The following MPP7 variants were observed in gnomAD, a reference collection of about 807,000 sequenced individuals.
The protein encoded by MPP7 is MAGUK p55 subfamily member 7.
Under a neutral mutation model 76.5 loss-of-function variants are expected in MPP7, and 60 were observed. The ratio of observed to expected loss-of-function variants is 0.78; its 90% CI spans 0.64 to 0.97. The LOEUF (loss-of-function observed/expected upper bound fraction) is 0.97. MPP7 is among the 50% of genes least tolerant of loss of function. The pLI is 0.00. For synonymous variants in MPP7, 237 were observed against 244.5 expected (o/e 0.97, Z 0.29); for missense variants, 641 against 694.0 (o/e 0.92, Z 0.86).
chr10:28,286,822 G>A (rs1420268428), intron 1 of MPP7, among the ~76,000 whole-genome samples: 1 of 151,976 alleles, frequency 6.6e-6, no homozygotes. Flanking sequence ...AAAAAAGGAC[G>A]GTTTCATATA....
At chr10:28,308,769 C>A (rs1206974013) in intron 2 of MPP7, among the ~76,000 whole-genome samples, 1 of 151,488 alleles carries the variant, frequency 6.6e-6, no homozygotes, top group Non-Finnish European at 1.5e-5. Flanking sequence ...CAGAGTGAGA[C>A]CCTGTCTCAA....
intron 13 of MPP7, among the ~76,000 whole-genome samples, chr10:28,066,894 ATACTT>A (rs1281437069): frequency 1.3e-5 from 2 of 152,224 alleles, no homozygotes; most frequent in Admixed American, 1.3e-4. Context: ...TGCATATACT[ATACTT>A]TGTATGCATA....
chr10:28,240,534 T>G (rs1359627748), intron 1 of MPP7, among the ~76,000 whole-genome samples: 2 of 152,140 alleles, frequency 1.3e-5, no homozygotes, highest in African/African-American at 4.8e-5. Flanking sequence ...CAAATCCATA[T>G]AGAAAAGAGT....
intron 1 of MPP7, among the ~76,000 whole-genome samples, chr10:28,264,377 CA>C (rs1406150738): frequency 6.6e-6 from 1 of 151,690 alleles, no homozygotes; most frequent in African/African-American, 2.4e-5. Flanking sequence ...GAATGACTGG[CA>C]AAAAAATAAG....
chr10:28,068,078 G>A (rs1852063712), intron 13 of MPP7, among the ~76,000 whole-genome samples: 1 of 151,894 alleles, frequency 6.6e-6, no homozygotes, highest in South Asian at 2.1e-4. Context: ...TTTGTAATCT[G>A]TTTTTGCATC....
intron 11 of MPP7, 115 bp downstream of exon 11, chr10:28,119,536 T>C (rs1834762943): frequency 6.7e-6 from 5 of 750,202 alleles, no homozygotes; most frequent in East Asian, 2.5e-5. Flanking sequence ...GAACTGATGA[T>C]CCCAAAGTTA....
chr10:28,078,408 G>A (rs1564619570), intron 12 of MPP7, among the ~76,000 whole-genome samples: 1 of 152,178 alleles, frequency 6.6e-6, no homozygotes, highest in Non-Finnish European at 1.5e-5. Flanking sequence ...CAGACACTGG[G>A]CATATGTGTT....
chr10:28,119,999 A>G (rs904268599), intron 10 of MPP7, among the ~76,000 whole-genome samples, 195 bp downstream of exon 10: 2 of 152,094 alleles, frequency 1.3e-5, no homozygotes, highest in Non-Finnish European at 2.9e-5. Flanking sequence ...AAAATCTAAT[A>G]TGACCCAGTA....
intron 1 of MPP7, among the ~76,000 whole-genome samples, chr10:28,331,526 G>A (rs1475543151): frequency 6.6e-6 from 1 of 151,980 alleles, no homozygotes; most frequent in Non-Finnish European, 1.5e-5. Flanking sequence ...AAGCTAAAGA[G>A]GATATTTTTA....
At chr10:28,116,270 A>G (rs1834661164) in intron 11 of MPP7, among the ~76,000 whole-genome samples, 1 of 152,186 alleles carries the variant, frequency 6.6e-6, no homozygotes, top group African/African-American at 2.4e-5. Flanking sequence ...AAACAATACC[A>G]CAAATGAATT....
At chr10:28,173,648 C>A (rs1277935237) in intron 3 of MPP7, among the ~76,000 whole-genome samples, 1 of 152,206 alleles carries the variant, frequency 6.6e-6, no homozygotes, top group Non-Finnish European at 1.5e-5. Context: ...CCATCCTCAA[C>A]TATTCCTTTG....
At chr10:28,182,979 G>A (rs953454244) in intron 3 of MPP7, among the ~76,000 whole-genome samples, 1 of 152,210 alleles carries the variant, frequency 6.6e-6, no homozygotes, top group Non-Finnish European at 1.5e-5. Flanking sequence ...TCAGGAGGCT[G>A]AGGCAAGAGA....
intron 1 of MPP7, among the ~76,000 whole-genome samples, chr10:28,268,467 C>T (rs1840216490): frequency 6.6e-6 from 1 of 152,276 alleles, no homozygotes; most frequent in South Asian, 2.1e-4. Flanking sequence ...CGCGGTGGCT[C>T]ATGCCTGTAA....
chr10:28,204,442 C>A (rs372537894), intron 2 of MPP7, among the ~76,000 whole-genome samples: 916 of 94,198 alleles, frequency 9.7e-3, no homozygotes, highest in South Asian at 0.011. Context: ...AACTCCGTCT[C>A]AAAAAAAAAA....
intron 1 of MPP7, among the ~76,000 whole-genome samples, chr10:28,279,696 C>T (rs7082263): frequency 4.0e-5 from 6 of 149,618 alleles, no homozygotes; most frequent in Non-Finnish European, 7.4e-5. Context: ...CAGAGCGAGA[C>T]GCTGTCTCAA....
At chr10:28,054,672 C>T (rs1851486020) in intron 16 of MPP7, among the ~76,000 whole-genome samples, 1 of 151,894 alleles carries the variant, frequency 6.6e-6, no homozygotes, top group African/African-American at 2.4e-5. Context: ...AGGATGATTA[C>T]CATGTTTTTT....
Position 28,303,050 on chromosome 10 carries a change from C to A in MPP7, c.-321G>T, listed in dbSNP as rs1278710851. ...GGGAGCCCGGCCCCCGCCTCCAGCC[C>A]GGCTAGTAACCAACACGGCCCCCAC... On this transcript the variant is annotated 5_prime_UTR_variant, in exon 1 of 17. Coordinates refer to ENST00000683449, the MANE Select transcript of MPP7 (RefSeq NM_001318170.2). Among the ~76,000 whole-genome samples the A allele has an allele frequency of 6.7e-6, 1 of 150,126 alleles. No individual in the cohort carries two copies. The highest frequency in any genetic ancestry group is 1.5e-5 in the Non-Finnish European group (1 of 66,866).
At chr10:28,197,130 C>A (rs975389555) in intron 3 of MPP7, among the ~76,000 whole-genome samples, 2 of 151,786 alleles carry the variant, frequency 1.3e-5, no homozygotes, top group Non-Finnish European at 2.9e-5. Flanking sequence ...TTCCTTCTGC[C>A]TGACCTCCCA....
intron 11 of MPP7, chr10:28,119,052 G>C: frequency 1.0e-6 from 1 of 985,324 alleles, no homozygotes; most frequent in Non-Finnish European, 1.2e-6. Flanking sequence ...AAAGCTGACA[G>C]AAGATTAGGC....
Sources: allele counts gnomAD v4.1 joint callset (sites outside exome capture counted in the v4.1 genomes callset), GRCh38; gene constraint gnomAD v4.1.1; transcripts MANE v1.5; gene names NCBI Gene and HGNC (gene_info 2026-07-23, HGNC 2026-07-21).